The following CLIC6 variants were observed in gnomAD, a reference collection of about 807,000 sequenced individuals.
The protein encoded by CLIC6 is CLIC family member 6.
A neutral mutation model predicts 49.2 loss-of-function variants in CLIC6; 39 were observed. The ratio of observed to expected loss-of-function variants is 0.79; its 90% confidence interval spans 0.61 to 1.04. The LOEUF is 1.04. Ranked by LOEUF, CLIC6 falls within the 50% of genes least tolerant of loss-of-function variation. The pLI, the probability that CLIC6 is intolerant of heterozygous loss-of-function variation, is 0.00. For missense variants in CLIC6, 988 were observed against 993.1 expected (o/e 0.99, Z 0.07); for synonymous variants, 446 against 433.4 (o/e 1.03, Z -0.36).
Position 34,700,686 on chromosome 21 carries a change from G to T in CLIC6, c.1375-6594G>T, listed in dbSNP as rs552250103. 7.9e-5 allele frequency among the ~76,000 whole-genome samples: 11 copies of T among 139,886 alleles called. 4 individuals are homozygous for T. In the East Asian group the frequency reaches 2.3e-3, roughly 29 times the overall value. The allele number at this position is 139,886 out of a possible 152,430, so 91.8% of individuals were successfully genotyped here. On this transcript the variant is annotated intron_variant, in intron 1 of 5. Coordinates refer to ENST00000349499, the MANE Select transcript of CLIC6 (RefSeq NM_053277.3). ...CCATTCCTTGGAATTCCCTCTCTTC[G>T]AGGGGGTGGTAGGAAAAGTCAGCCG... is the stretch of plus-strand genomic sequence containing the variant.
At chr21:34,703,249 T>C (rs2834594) in intron 1 of CLIC6, among the ~76,000 whole-genome samples, 1 of 152,208 alleles carries the variant, frequency 6.6e-6, no homozygotes, top group Non-Finnish European at 1.5e-5. Flanking sequence ...AAATTGTTTT[T>C]CATTATATTT....
At chr21:34,699,875 A>G (rs555203367) in intron 1 of CLIC6, among the ~76,000 whole-genome samples, 23 of 152,176 alleles carry the variant, frequency 1.5e-4, no homozygotes, top group Non-Finnish European at 2.9e-4. Context: ...ATGGGGTTTT[A>G]TAGACTGGCT....
chr21:34,691,767 C>T (rs953142978), intron 1 of CLIC6, among the ~76,000 whole-genome samples: 4 of 152,088 alleles, frequency 2.6e-5, no homozygotes, highest in Admixed American at 6.6e-5. Context: ...CGTTCATTTG[C>T]GTGCTTTTTT....
rs1989527482 is a variant in CLIC6, at chr21:34,670,306, C to G, written c.918C>G (p.Pro306=). 3 of 1,444,438 alleles carry G rather than the reference C, an allele frequency of 2.1e-6. No individual in the cohort carries two copies. The highest frequency in any genetic ancestry group is 5.6e-5 in the Admixed American group (2 of 35,684). 89.5% of individuals were successfully genotyped at this position (1,444,438 alleles called of 1,614,324 possible). A position where few individuals can be genotyped will look rare whatever the true frequency, so the allele number is the denominator to read the frequency against. Residue 306 remains proline, a synonymous_variant, in exon 1 of 6, where the codon CCC becomes CCG. Transcript: ENST00000349499. ...AATCGGGGGACGGCAGCCTCTCGCC[C>G]CAGGCCGAGGCAATTGAGGTCGCAG... is the stretch of plus-strand genomic sequence containing the variant. ...PQQSGDGSLS[P]QAEAIEVAAG... is the part of the protein sequence containing the mutation.
At chr21:34,687,554 G>T (rs1989905575) in intron 1 of CLIC6, among the ~76,000 whole-genome samples, 2 of 152,310 alleles carry the variant, frequency 1.3e-5, no homozygotes, top group East Asian at 3.9e-4. Context: ...GACTTCTTAT[G>T]CCTTGATTCC....
intron 1 of CLIC6, among the ~76,000 whole-genome samples, chr21:34,676,464 G>A (rs1159027111): frequency 6.6e-6 from 1 of 152,216 alleles, no homozygotes; most frequent in African/African-American, 2.4e-5. Context: ...ACAGACATTG[G>A]GCAATGTAGT....
chr21:34,676,258 G>C (rs1281952158), intron 1 of CLIC6, among the ~76,000 whole-genome samples: 1 of 145,470 alleles, frequency 6.9e-6, no homozygotes, highest in Admixed American at 7.0e-5. Context: ...AGTGGAAGGA[G>C]TATGTAAAAG....
rs570071649 is a variant in CLIC6, at chr21:34,681,689, C to T, written c.1374+10927C>T. ...CCACAACATGGCATCTGGCTTTTTC[C>T]AGAGCAATGATCTAAGAGAGACCAA... On this transcript the variant is annotated intron_variant, in intron 1 of 5. Coordinates refer to ENST00000349499, the MANE Select transcript of CLIC6 (RefSeq NM_053277.3). 1.6e-4 allele frequency among the ~76,000 whole-genome samples: 24 copies of T among 152,254 alleles called. No homozygotes were observed. In the South Asian group the frequency reaches 4.8e-3, roughly 30 times the overall value.
intron 1 of CLIC6, among the ~76,000 whole-genome samples, chr21:34,700,598 G>A (rs1601280485): frequency 7.1e-6 from 1 of 140,226 alleles, no homozygotes; most frequent in African/African-American, 2.8e-5. Flanking sequence ...CCTTCTTCAC[G>A]TGCTTCCGCA....
intron 1 of CLIC6, 46 bp from the exon 2 acceptor site, chr21:34,707,234 T>C (rs368460884): frequency 2.1e-6 from 3 of 1,416,714 alleles, no homozygotes; most frequent in African/African-American, 1.4e-5. Flanking sequence ...TTGGCACTTA[T>C]AATTGTGAGA....
Position 34,700,376 on chromosome 21 carries a change from G to A in CLIC6, c.1375-6904G>A, listed in dbSNP as rs13052064. Among the ~76,000 whole-genome samples the A allele has an allele frequency of 1.0e-3, 139 of 134,752 alleles. 17 individuals carry two copies. Among genetic ancestry groups the A allele is most frequent in the Non-Finnish European group, 1.8e-3 (113 of 62,934 alleles). The allele number at this position is 134,752 out of a possible 152,430, so 88.4% of individuals were successfully genotyped here. On this transcript the variant is annotated intron_variant, in intron 1 of 5. Coordinates refer to ENST00000349499, the MANE Select transcript of CLIC6 (RefSeq NM_053277.3). ...GCAGGAGAATGGCGTGAACCCGGGA[G>A]GCGGAGCTTGCAGTGAGCCGAGATC...
chr21:34,680,338 C>G (rs1384184485), intron 1 of CLIC6, among the ~76,000 whole-genome samples: 1 of 152,200 alleles, frequency 6.6e-6, no homozygotes, highest in Non-Finnish European at 1.5e-5. Flanking sequence ...AGGCTGCACA[C>G]AGCAGGGGGT....
chr21:34,699,039 A>C (rs1990140164), intron 1 of CLIC6, among the ~76,000 whole-genome samples: 1 of 152,136 alleles, frequency 6.6e-6, no homozygotes, highest in African/African-American at 2.4e-5. Flanking sequence ...CGAGAGAGAG[A>C]GCGCACTTTA....
Position 34,669,442 on chromosome 21 carries a change from G to A in CLIC6, c.54G>A (p.Pro18=), listed in dbSNP as rs927737811. 8.1e-7 allele frequency: 1 copy of A among 1,234,282 alleles called. No individual in the cohort carries two copies. Among genetic ancestry groups the A allele is most frequent in the Non-Finnish European group, 1.0e-6 (1 of 989,668 alleles). The allele number at this position is 1,234,282 out of a possible 1,614,324, so 76.5% of individuals were successfully genotyped here. ...EGVAPGPQGP[P]EVPAPLAERP... ...TTGCCCCGGGTCCCCAGGGGCCGCCGGAGGTCCCCGCGCCTCTGGCTGAGA... is the reference window on the plus strand; with the variant it reads ...TTGCCCCGGGTCCCCAGGGGCCGCCAGAGGTCCCCGCGCCTCTGGCTGAGA... Residue 18 remains proline, a synonymous_variant, in exon 1 of 6, where the codon CCG becomes CCA. Coordinates refer to ENST00000349499, the MANE Select transcript of CLIC6 (RefSeq NM_053277.3).
intron 1 of CLIC6, among the ~76,000 whole-genome samples, chr21:34,680,722 A>G (rs1989761905): frequency 6.6e-6 from 1 of 152,222 alleles, no homozygotes; most frequent in Admixed American, 6.5e-5. Flanking sequence ...GCAAAACAAG[A>G]GTCACCTTTA....
Position 34,690,465 on chromosome 21 carries a change from G to C in CLIC6, c.1375-16815G>C, listed in dbSNP as rs375594753. ...TTCCTTTATCCCTTAACACAGGACT[G>C]AAATATGGCAGTTTCTTAAGTCACT... On this transcript the variant is annotated intron_variant, in intron 1 of 5. Transcript: ENST00000349499. 2.0e-4 allele frequency among the ~76,000 whole-genome samples: 30 copies of C among 152,244 alleles called. 1 individual carries two copies. In the East Asian group the frequency reaches 2.3e-3, roughly 12 times the overall value.
chr21:34,715,692 A>G (rs1440711026), intron 5 of CLIC6, among the ~76,000 whole-genome samples: 1 of 152,210 alleles, frequency 6.6e-6, no homozygotes, highest in East Asian at 1.9e-4. Context: ...AGTATCTCAC[A>G]CTGCTGTGTT....
intron 1 of CLIC6, among the ~76,000 whole-genome samples, chr21:34,687,134 C>T (rs1275353460): frequency 6.6e-6 from 1 of 152,084 alleles, no homozygotes; most frequent in Non-Finnish European, 1.5e-5. Context: ...GGTGAAAAGA[C>T]AGGGCCAGAT....
Position 34,670,866 on chromosome 21 carries a change from C to A in CLIC6, c.1374+104C>A, listed in dbSNP as rs2145794105. The A allele has an allele frequency of 2.3e-6, 3 of 1,287,490 alleles. No individual in the cohort carries two copies. The South Asian group carries it at 4.6e-5, about 20-fold the overall frequency. 79.8% of individuals were successfully genotyped at this position (1,287,490 alleles called of 1,614,324 possible). A position where few individuals can be genotyped will look rare whatever the true frequency, so the allele number is the denominator to read the frequency against. ...CGCAGGGAGGAACCCTTGGTGGTAT[C>A]CTGATTGTCATCAGGCGCTTCCATG... On this transcript the variant is annotated intron_variant, in intron 1 of 5. Transcript: ENST00000349499.
Sources: allele counts gnomAD v4.1 joint callset (sites outside exome capture counted in the v4.1 genomes callset), GRCh38; gene constraint gnomAD v4.1.1; transcripts MANE v1.5; gene names NCBI Gene and HGNC (gene_info 2026-07-23, HGNC 2026-07-21).